The following LY96 variants were observed in gnomAD, a reference collection of about 807,000 sequenced individuals.
The protein encoded by LY96 is myeloid differentiation protein-2.
In LY96, 18 loss-of-function variants were observed where a neutral mutation model predicts 18.9. The observed-to-expected ratio is 0.95, with a 90% CI of 0.66 to 1.41. LY96 has a LOEUF of 1.41. Among genes scored for constraint, LY96 ranks in the 40% most tolerant of loss-of-function variants. The pLI is 0.00. For missense variants in LY96, 175 were observed against 182.4 expected (o/e 0.96, Z 0.23); for synonymous variants, 66 against 62.6 (o/e 1.06, Z -0.26).
At chr8:74,070,461 C>T in the LY96 span, among the ~76,000 whole-genome samples, 1 of 152,192 alleles carries the variant, frequency 6.6e-6, no homozygotes, top group South Asian at 2.1e-4. Flanking sequence ...TGAGTCTCCC[C>T]TACTCCAGCT....
intron 2 of LY96, among the ~76,000 whole-genome samples, chr8:74,006,437 A>C (rs1325454069): frequency 6.6e-6 from 1 of 152,146 alleles, no homozygotes; most frequent in Non-Finnish European, 1.5e-5. Flanking sequence ...ACCTCAAGTG[A>C]TCCACCCGCC....
At chr8:74,073,691 T>A in the LY96 span, among the ~76,000 whole-genome samples, 1 of 151,568 alleles carries the variant, frequency 6.6e-6, no homozygotes, top group Non-Finnish European at 1.5e-5. Context: ...TGAGACGGAG[T>A]CTTGCTCTGT....
the LY96 span, among the ~76,000 whole-genome samples, chr8:74,039,087 T>C: frequency 6.6e-6 from 1 of 152,230 alleles, no homozygotes; most frequent in Non-Finnish European, 1.5e-5. Flanking sequence ...GGGTGAGATA[T>C]CTCATTGTAG....
the LY96 span, chr8:74,052,403 G>T: frequency 6.6e-6 from 1 of 152,198 alleles, no homozygotes; most frequent in Non-Finnish European, 1.5e-5. Context: ...TGTCTAGGCT[G>T]GTCTGTTTCT....
chr8:73,996,372 C>CCTTCCTTCCTTCATTTCTTTCTTTCTTT lies in LY96; in HGVS notation c.112+4821_112+4822insCCTTCCTTCATTTCTTTCTTTCTTTCTT, dbSNP rs1816135382. Among the ~76,000 whole-genome samples the CCTTCCTTCCTTCATTTCTTTCTTTCTTT allele has an allele frequency of 1.4e-4, 16 of 111,006 alleles. No individual in the cohort carries two copies. The East Asian group carries it at 1.6e-3, about 11-fold the overall frequency. 72.8% of individuals were successfully genotyped at this position (111,006 alleles called of 152,430 possible). ...TCCTTCCTTCCTTCCTTCCTTCATT[C>CCTTCCTTCCTTCATTTCTTTCTTTCTTT]CTTTCTTTCTTTCTTTCTTTCTTTC... On this transcript the variant is annotated intron_variant, in intron 1 of 4. Transcript: ENST00000284818.
At chr8:74,006,312 C>G (rs1816411004) in intron 2 of LY96, among the ~76,000 whole-genome samples, 1 of 152,112 alleles carries the variant, frequency 6.6e-6, no homozygotes, top group Non-Finnish European at 1.5e-5. Context: ...ATTCTCCTGC[C>G]TCAGCCTCCC....
intron 1 of LY96, among the ~76,000 whole-genome samples, chr8:73,993,120 CA>C (rs909486574): frequency 1.4e-4 from 22 of 152,078 alleles, no homozygotes; most frequent in African/African-American, 5.3e-4. Flanking sequence ...CCCGGCCTCC[CA>C]AAGTGCTGGG....
At chr8:73,993,692 C>T (rs1816059460) in intron 1 of LY96, among the ~76,000 whole-genome samples, 1 of 152,204 alleles carries the variant, frequency 6.6e-6, no homozygotes, top group Non-Finnish European at 1.5e-5. Flanking sequence ...ATCCGCCCAC[C>T]TTGGCCTCCC....
chr8:74,071,479 A>T, the LY96 span, among the ~76,000 whole-genome samples: 1 of 128,098 alleles, frequency 7.8e-6, no homozygotes, highest in Non-Finnish European at 1.6e-5. Flanking sequence ...CTTTTGTAAT[A>T]AAAAAAAATT....
intron 3 of LY96, among the ~76,000 whole-genome samples, chr8:74,010,591 C>T (rs905540278): frequency 7.2e-5 from 11 of 152,074 alleles, no homozygotes; most frequent in African/African-American, 2.7e-4. Context: ...TAATATTTAA[C>T]CTTTCTTGGC....
chr8:74,009,264 A>G (rs889298513), intron 2 of LY96, among the ~76,000 whole-genome samples: 3 of 147,828 alleles, frequency 2.0e-5, no homozygotes, highest in African/African-American at 5.0e-5. Flanking sequence ...GCACGGTGGT[A>G]GGCGCCTGTA....
chr8:73,994,372 C>G (rs1170197747), intron 1 of LY96, among the ~76,000 whole-genome samples: 1 of 152,196 alleles, frequency 6.6e-6, no homozygotes, highest in Non-Finnish European at 1.5e-5. Flanking sequence ...GTGGGAAGCA[C>G]TGATTCCTCT....
At chr8:74,087,171 C>T in the LY96 span, among the ~76,000 whole-genome samples, 1 of 152,194 alleles carries the variant, frequency 6.6e-6, no homozygotes, top group Admixed American at 6.5e-5. Context: ...TTAGAGTTAA[C>T]CAGTGACTTG....
At chr8:74,047,794 T>A in the LY96 span, among the ~76,000 whole-genome samples, 1 of 152,186 alleles carries the variant, frequency 6.6e-6, no homozygotes, top group East Asian at 1.9e-4. Flanking sequence ...CTAACCCTAA[T>A]CCCAACTAGA....
chr8:74,022,566 G>GT (rs1263791253), intron 3 of LY96, among the ~76,000 whole-genome samples: 2 of 149,890 alleles, frequency 1.3e-5, no homozygotes, highest in East Asian at 1.9e-4. Context: ...GAAATCTAGG[G>GT]TTTTTTCTTT....
chr8:74,084,777 C>T, the LY96 span, among the ~76,000 whole-genome samples: 4 of 152,116 alleles, frequency 2.6e-5, no homozygotes, highest in Admixed American at 6.5e-5. Flanking sequence ...CCACGCCCGG[C>T]TAATTTTTTG....
rs146631518 is a variant in LY96 at position 74,021,189 on chromosome 8, T to C, written c.332-5600T>C. Among the ~76,000 whole-genome samples, 1,137 of 152,310 alleles carry C rather than the reference T, an allele frequency of 7.5e-3. 12 individuals are homozygous for C. Among genetic ancestry groups the C allele is most frequent in the African/African-American group, 0.026 (1,076 of 41,562 alleles). On this transcript the variant is annotated intron_variant, in intron 3 of 4. Coordinates refer to ENST00000284818, the MANE Select transcript of LY96 (RefSeq NM_015364.5). ...CTACCCGTCTGACAAAGGGCTGATA[T>C]CCAGAATCTACAAAGAACTTAAACA... is the stretch of plus-strand genomic sequence containing the variant.
chr8:74,006,500 T>G (rs566955848), intron 2 of LY96, among the ~76,000 whole-genome samples: 1 of 152,236 alleles, frequency 6.6e-6, no homozygotes, highest in South Asian at 2.1e-4. Context: ...GCCCAGCCAA[T>G]AAGACATTCT....
At chr8:74,021,243 A>T (rs1816752104) in intron 3 of LY96, among the ~76,000 whole-genome samples, 1 of 152,228 alleles carries the variant, frequency 6.6e-6, no homozygotes, top group South Asian at 2.1e-4. Flanking sequence ...AAACAACCCC[A>T]TCAAAAAGTG....
Sources: gnomAD v4.1 joint callset for allele counts (sites outside exome capture counted in the v4.1 genomes callset) on GRCh38, gnomAD v4.1.1 for gene constraint, MANE v1.5 for transcripts, NCBI Gene and HGNC (gene_info 2026-07-23, HGNC 2026-07-21) for gene names.